Variants in BAIAP2L1 observed in about 807,000 individuals in gnomAD.
BAIAP2L1 encodes the protein BAR/IMD domain-containing adapter protein 2-like 1.
BAIAP2L1 carries 35 observed loss-of-function variants against 66.3 expected under a neutral mutation model. That is an observed-to-expected ratio of 0.53 (90% CI 0.40 to 0.70). The LOEUF (loss-of-function observed/expected upper bound fraction) is 0.70. BAIAP2L1 is among the 30% of genes least tolerant of loss of function. The pLI, the probability that BAIAP2L1 is intolerant of heterozygous loss-of-function variation, is 0.00. For missense variants in BAIAP2L1, 622 were observed against 656.9 expected (o/e 0.95, Z 0.58); for synonymous variants, 269 against 248.7 (o/e 1.08, Z -0.77).
At chr7:98,325,560 C>T (rs1399381047) in intron 3 of BAIAP2L1, among the ~76,000 whole-genome samples, 1 of 151,874 alleles carries the variant, frequency 6.6e-6, no homozygotes, top group Non-Finnish European at 1.5e-5. Context: ...TGCCTGTAGT[C>T]CTAGCTACTC....
chr7:98,322,495 T>C (rs1562973156), intron 3 of BAIAP2L1, among the ~76,000 whole-genome samples: 1 of 152,152 alleles, frequency 6.6e-6, no homozygotes, highest in Non-Finnish European at 1.5e-5. Context: ...CCCTTGGGGA[T>C]AGGAGGCCAT....
At chr7:98,393,825 C>A (rs566538979) in intron 1 of BAIAP2L1, among the ~76,000 whole-genome samples, 42 of 149,666 alleles carry the variant, frequency 2.8e-4, no homozygotes, top group African/African-American at 9.3e-4. Flanking sequence ...TTGGACCAGG[C>A]GCAGTGAGGG....
At chr7:98,376,423 A>G (rs1247819443) in intron 1 of BAIAP2L1, among the ~76,000 whole-genome samples, 1 of 152,074 alleles carries the variant, frequency 6.6e-6, no homozygotes, top group Non-Finnish European at 1.5e-5. Flanking sequence ...AGATGGGAGA[A>G]TTGCTTGAGC....
At chr7:98,373,979 G>A (rs1802567188) in intron 1 of BAIAP2L1, among the ~76,000 whole-genome samples, 1 of 152,136 alleles carries the variant, frequency 6.6e-6, no homozygotes, top group African/African-American at 2.4e-5. Flanking sequence ...TTGAGATAGG[G>A]TCTTGCTGTG....
intron 1 of BAIAP2L1, among the ~76,000 whole-genome samples, chr7:98,381,991 T>C (rs1802771672): frequency 6.7e-6 from 1 of 150,206 alleles, no homozygotes; most frequent in South Asian, 2.1e-4. Context: ...AGTGGCGATA[T>C]CTCGGCTCAC....
chr7:98,342,579 T>G (rs1004953755), intron 3 of BAIAP2L1, among the ~76,000 whole-genome samples: 2 of 152,216 alleles, frequency 1.3e-5, no homozygotes, highest in African/African-American at 4.8e-5. Context: ...AATAAATGAT[T>G]CAAAATGCAA....
At chr7:98,388,379 G>A (rs1402749462) in intron 1 of BAIAP2L1, among the ~76,000 whole-genome samples, 1 of 152,200 alleles carries the variant, frequency 6.6e-6, no homozygotes, top group Non-Finnish European at 1.5e-5. Context: ...TGTAATCCCG[G>A]CTACTCGGGA....
At chr7:98,338,017 G>C (rs1344619328) in intron 3 of BAIAP2L1, among the ~76,000 whole-genome samples, 2 of 152,064 alleles carry the variant, frequency 1.3e-5, no homozygotes, top group African/African-American at 4.8e-5. Flanking sequence ...ACCCCATATT[G>C]GCATACTTAA....
At chr7:98,324,957 C>T (rs988630517) in intron 3 of BAIAP2L1, among the ~76,000 whole-genome samples, 7 of 152,186 alleles carry the variant, frequency 4.6e-5, no homozygotes, top group South Asian at 2.1e-4. Context: ...TTCCAGAGAA[C>T]GCAGAGCAAC....
At chr7:98,344,176 CA>C (rs148503164) in intron 3 of BAIAP2L1, among the ~76,000 whole-genome samples, 1 of 151,998 alleles carries the variant, frequency 6.6e-6, no homozygotes, top group East Asian at 2.0e-4. Context: ...GACTCCGTTC[CA>C]AAAAACAAAC....
intron 12 of BAIAP2L1, among the ~76,000 whole-genome samples, chr7:98,302,467 C>T (rs968862288): frequency 2.0e-5 from 3 of 152,200 alleles, no homozygotes; most frequent in Non-Finnish European, 4.4e-5. Context: ...GACGTCCACA[C>T]GTGCCTCCTC....
intron 3 of BAIAP2L1, among the ~76,000 whole-genome samples, chr7:98,353,230 A>G (rs6465676): frequency 1 from 149,548 of 149,566 alleles, 74,765 homozygotes; most frequent in Middle Eastern, 1. Context: ...GGGTGAGGCC[A>G]GTCATCCTAG....
In BAIAP2L1 at chr7:98,400,529, G is replaced by A. The variant is rs111155372; in HGVS notation, c.51+273C>T. ...GGGAGAGGTACAGCGGGGCGGGAAA[G>A]AGAGACAGGGAAGAAGCACAGGGAG... is the stretch of plus-strand genomic sequence containing the variant. On this transcript the variant is annotated intron_variant, in intron 1 of 13. Transcript: ENST00000005260. 5.7e-3 allele frequency among the ~76,000 whole-genome samples: 691 copies of A among 121,854 alleles called. 8 individuals are homozygous for A. The highest frequency in any genetic ancestry group is 0.02 in the African/African-American group (639 of 31,548). The allele number at this position is 121,854 out of a possible 152,430, so 79.9% of individuals were successfully genotyped here.
rs887410634 is a variant in BAIAP2L1, at chr7:98,304,483, T to C, written c.1242-107A>G. 2.8e-6 allele frequency: 3 copies of C among 1,071,612 alleles called. No homozygotes were observed. The African/African-American group carries it at 4.8e-5, about 17-fold the overall frequency. 66.4% of individuals were successfully genotyped at this position (1,071,612 alleles called of 1,614,324 possible). ...GACAACAGTAATAGTACATCACCAA[T>C]CAAAACCTGATCTTGATCTCACACA... On this transcript the variant is annotated intron_variant, in intron 11 of 13. Coordinates refer to ENST00000005260, the MANE Select transcript of BAIAP2L1 (RefSeq NM_018842.5).
At chr7:98,369,175 T>C (rs2115754305) in intron 1 of BAIAP2L1, among the ~76,000 whole-genome samples, 2 of 152,222 alleles carry the variant, frequency 1.3e-5, no homozygotes, top group Middle Eastern at 6.8e-3. Context: ...ACAAAACTAT[T>C]TTAAAGTTAC....
intron 11 of BAIAP2L1, among the ~76,000 whole-genome samples, chr7:98,305,062 T>G (rs1379251691): frequency 6.8e-6 from 1 of 146,996 alleles, no homozygotes; most frequent in Non-Finnish European, 1.5e-5. Context: ...TTTTTTTTTT[T>G]TTTTTTTTAG....
Position 98,292,348 on chromosome 7 carries a change from A to C in BAIAP2L1, c.*1173T>G. The C allele has an allele frequency of 2.6e-6, 1 of 381,376 alleles. No homozygotes were observed. Among genetic ancestry groups the C allele is most frequent in the Non-Finnish European group, 4.9e-6 (1 of 205,740 alleles). The allele number at this position is 381,376 out of a possible 1,614,324, so 23.6% of individuals were successfully genotyped here. On this transcript the variant is annotated 3_prime_UTR_variant, in exon 14 of 14. Transcript: ENST00000005260. ...GTGATTCTCCTGCCTCAGCCTCCTG[A>C]GTGGCGCCCACCACCACACCTGTCT... is the stretch of plus-strand genomic sequence containing the variant.
At chr7:98,310,288 G>T in intron 9 of BAIAP2L1, 157 bp downstream of exon 9, 1 of 697,860 alleles carries the variant, frequency 1.4e-6, no homozygotes, top group Non-Finnish European at 2.3e-6. Flanking sequence ...TATTTCTTCT[G>T]AACTCACGCT....
chr7:98,308,359 C>T (rs1296947104), intron 9 of BAIAP2L1: 1 of 446,606 alleles, frequency 2.2e-6, no homozygotes, highest in East Asian at 7.0e-5. Flanking sequence ...GCCATGCTGG[C>T]CGCTCAGCTT....
Sources: gnomAD v4.1 joint callset for allele counts (sites outside exome capture counted in the v4.1 genomes callset) on GRCh38, gnomAD v4.1.1 for gene constraint, MANE v1.5 for transcripts, NCBI Gene and HGNC (gene_info 2026-07-23, HGNC 2026-07-21) for gene names.